Variants in MDN1 observed in about 807,000 individuals in gnomAD.
MDN1 encodes the protein midasin.
MDN1 carries 266 observed loss-of-function variants against 669.2 expected under a neutral mutation model. The ratio of observed to expected loss-of-function variants is 0.40; its 90% CI spans 0.36 to 0.44. The LOEUF (loss-of-function observed/expected upper bound fraction) is 0.44, where lower values mean the gene tolerates loss of function less well. MDN1 is among the 20% of genes least tolerant of loss of function. The pLI, the probability that MDN1 is intolerant of heterozygous loss-of-function variation, is 1.00. For missense variants in MDN1, 5,940 were observed against 6,754.0 expected, an observed-to-expected ratio of 0.88 and a Z score of 4.22; for synonymous variants, 2,385 against 2,457.1, an observed-to-expected ratio of 0.97 and a Z score of 0.87.
In MDN1 at chr6:89,727,845, C is replaced by T; in HGVS notation, c.5460G>A (p.Val1820=). Residue 1820 remains valine (V), a synonymous_variant, in exon 37 of 102, where the codon GTG becomes GTA. Transcript: ENST00000369393. ...LLAALKAGHW[V]VLDELNLASQ... is the part of the protein sequence containing the mutation. ...ACAGGCCCCTCACCTCATCCAACAC[C>T]ACCCAATGGCCTGCCTTCAAAGCTG... The T allele has an allele frequency of 6.2e-7, 1 of 1,613,958 alleles. No homozygotes were observed. The highest frequency in any genetic ancestry group is 8.5e-7 in the Non-Finnish European group (1 of 1,179,916).
chr6:89,768,188 T>C (rs1464968719), intron 15 of MDN1, among the ~76,000 whole-genome samples: 1 of 152,058 alleles, frequency 6.6e-6, no homozygotes, highest in Admixed American at 6.6e-5. Flanking sequence ...CTGGGTGATA[T>C]GGTTTGGCTG....
At position 89,695,834 on chromosome 6, in the gene MDN1, C is replaced by G; in HGVS notation, c.9542G>C (p.Gly3181Ala). ...CAGCACCTCCTGACCAGCCATGTCCCCAAGTGTCTGGCCCACATGCTGGAA... is the reference window on the plus strand; with the variant it reads ...CAGCACCTCCTGACCAGCCATGTCCGCAAGTGTCTGGCCCACATGCTGGAA... The part of the protein sequence containing the change: ...QAFQHVGQTL[G>A]DMAGQEVLPK... The change falls in exon 61 of 102, where the codon GGG becomes GCG. Residue 3181 changes from glycine to alanine, a missense_variant. By Grantham distance (60) the Gly-to-Ala change is moderately conservative. Transcript: ENST00000369393. The surrounding 1 kb of genome is among the most constrained non-coding windows in gnomAD (Gnocchi z 4.1). 6.2e-7 allele frequency: 1 copy of G among 1,613,852 alleles called. No homozygotes were observed. Among genetic ancestry groups the G allele is most frequent in the Non-Finnish European group, 8.5e-7 (1 of 1,180,038 alleles).
Position 89,712,814 on chromosome 6 carries a change from T to G in MDN1, c.7219-28A>C, listed in dbSNP as rs770906373. 9 of 1,595,238 alleles carry G rather than the reference T, an allele frequency of 5.6e-6. No individual in the cohort carries two copies. The South Asian group carries it at 9.9e-5, about 18-fold the overall frequency. ...GGTAGGAGACAAAAACACAATACAGTGGTACCAACATAAAAGTGATATTCC... is the reference window on the plus strand; with the variant it reads ...GGTAGGAGACAAAAACACAATACAGGGGTACCAACATAAAAGTGATATTCC... On this transcript the variant is annotated intron_variant, in intron 47 of 101. Coordinates refer to ENST00000369393, the MANE Select transcript of MDN1 (RefSeq NM_014611.3).
At chr6:89,660,850 T>C (rs560671217) in intron 88 of MDN1, among the ~76,000 whole-genome samples, 1 of 152,328 alleles carries the variant, frequency 6.6e-6, no homozygotes, top group South Asian at 2.1e-4. Flanking sequence ...GCAGCAGGAA[T>C]GGGGCCCTCT....
intron 40 of MDN1, among the ~76,000 whole-genome samples, chr6:89,720,979 A>G (rs1265639651): frequency 6.6e-6 from 1 of 152,224 alleles, no homozygotes; most frequent in Non-Finnish European, 1.5e-5. Context: ...TATTAAAAGT[A>G]AAAACAAATT....
intron 76 of MDN1, 63 bp downstream of exon 76, chr6:89,677,507 A>T: frequency 6.3e-7 from 1 of 1,598,134 alleles, no homozygotes; most frequent in Non-Finnish European, 8.5e-7. Context: ...AATGAGGACA[A>T]GGAGTTCTAA....
At chr6:89,796,859 G>T (rs182370811) in intron 2 of MDN1, among the ~76,000 whole-genome samples, 12 of 151,976 alleles carry the variant, frequency 7.9e-5, no homozygotes, top group Non-Finnish European at 1.6e-4. Context: ...ACCTGAGGTC[G>T]GGAGTTCGAG....
rs772681117 is a variant in MDN1 at position 89,708,496 on chromosome 6, T to C, written c.7898A>G (p.Lys2633Arg). Residue 2633 changes from lysine to arginine, a missense_variant and splice_region_variant, in exon 51 of 102, where the codon AAG (lysine) becomes AGG (arginine). Coordinates refer to ENST00000369393, the MANE Select transcript of MDN1 (RefSeq NM_014611.3). ...GCCCAGAGCAGCAGGTTTCACTTAC[T>C]TGTTTGCAGCTGATTCTAAAAGGGC... ...LFALLESAANKTIIYLDREKR... is the reference protein window; with the variant it reads ...LFALLESAANRTIIYLDREKR... 6.2e-7 allele frequency: 1 copy of C among 1,613,948 alleles called. No individual in the cohort carries two copies. The highest frequency in any genetic ancestry group is 1.1e-5 in the South Asian group (1 of 90,996).
rs1813490748 is a variant in MDN1 at position 89,706,032 on chromosome 6, A to C, written c.8148+27T>G. On this transcript the variant is annotated intron_variant, in intron 53 of 101. Transcript: ENST00000369393. The stretch of plus-strand genomic sequence containing the variant: ...CAAGAAAGATAAATTTTGTTGTTTA[A>C]AAATAAAACAAGATGCAGTTCCTTA... 2.6e-6 allele frequency: 4 copies of C among 1,538,418 alleles called. No homozygotes were observed. The South Asian group carries it at 3.8e-5, about 15-fold the overall frequency.
chr6:89,749,728 T>C lies in MDN1; in HGVS notation c.3430A>G (p.Lys1144Glu). Residue 1144 changes from lysine to glutamate, a missense_variant, in exon 25 of 102, where the codon AAA becomes GAA. By Grantham distance (56) the Lys-to-Glu change is moderately conservative (BLOSUM62 1). Around this residue, in one of 5 missense-constraint regions of MDN1, gnomAD observed 2,292 missense variants for 2,638.3 expected, o/e 0.87. Coordinates refer to ENST00000369393, the MANE Select transcript of MDN1 (RefSeq NM_014611.3). ...KEGVLIDAMR[K>E]GYWIILDELN... ...TCATCTAAAATAATCCAATAGCCTT[T>C]TCTCATGGCATCAATAAGAACACCT... 6.2e-7 allele frequency: 1 copy of C among 1,612,646 alleles called. No homozygotes were observed.
At chr6:89,817,286 C>T (rs961042357) in intron 1 of MDN1, among the ~76,000 whole-genome samples, 1 of 152,170 alleles carries the variant, frequency 6.6e-6, no homozygotes, top group African/African-American at 2.4e-5. Context: ...GAATAAATCT[C>T]TTAGAATATT....
chr6:89,780,306 GAAAGAAAAGAAAAAAC>G lies in MDN1; in HGVS notation c.1644-29_1644-14del, dbSNP rs766679999. 1 of 1,520,516 alleles carries G rather than the reference GAAAGAAAAGAAAAAAC, an allele frequency of 6.6e-7. No homozygotes were observed. The highest frequency in any genetic ancestry group is 8.9e-7 in the Non-Finnish European group (1 of 1,129,452). The allele number at this position is 1,520,516 out of a possible 1,614,324, so 94.2% of individuals were successfully genotyped here. On this transcript the variant is annotated splice_polypyrimidine_tract_variant and intron_variant, in intron 10 of 101. Coordinates refer to ENST00000369393, the MANE Select transcript of MDN1 (RefSeq NM_014611.3). Reference sequence around the variant, plus strand: ...ATTCAGCAGATCCCTTTAAAAAAAAGAAAGAAAAGAAAAAACAAAGAAAAGACCACAGGCCAAAGAC... The same window carrying G: ...ATTCAGCAGATCCCTTTAAAAAAAAGAAAGAAAAGACCACAGGCCAAAGAC...
Position 89,781,403 on chromosome 6 carries a change from G to C in MDN1, c.1639C>G (p.Leu547Val). 1 of 1,613,384 alleles carries C rather than the reference G, an allele frequency of 6.2e-7. No individual in the cohort carries two copies. Among genetic ancestry groups the C allele is most frequent in the South Asian group, 1.1e-5 (1 of 91,058 alleles). Reference sequence around the variant, plus strand: ...AAAAACTGTTTAGTCCAGTACCTTAGAGATAATTCTCTTCCCTCAAGGGTT... The same window carrying C: ...AAAAACTGTTTAGTCCAGTACCTTACAGATAATTCTCTTCCCTCAAGGGTT... ...RPTLEGRELSLRDLLNWCNRI... is the reference protein window; with the variant it reads ...RPTLEGRELSVRDLLNWCNRI... Residue 547 changes from leucine (L) to valine (V), a missense_variant, in exon 10 of 102, where the codon CTA becomes GTA. By Grantham distance (32) the Leu-to-Val change is conservative. This residue lies in a region of MDN1 where 1,203 missense variants were observed against 1,268.9 expected (regional missense o/e 0.95). Coordinates refer to ENST00000369393, the MANE Select transcript of MDN1 (RefSeq NM_014611.3).
At chr6:89,743,780 C>G (rs1214424498) in intron 29 of MDN1, 66 bp from the exon 30 acceptor site, 22 of 1,365,570 alleles carry the variant, frequency 1.6e-5, no homozygotes, top group Non-Finnish European at 2.1e-5. Context: ...AACACCCCCC[C>G]TCAGCAAAAG....
chr6:89,723,838 A>G (rs959507336), intron 38 of MDN1, among the ~76,000 whole-genome samples: 1 of 152,290 alleles, frequency 6.6e-6, no homozygotes, highest in Admixed American at 6.5e-5. Flanking sequence ...TTTAAGGTCT[A>G]TTCTAGTGAA....
chr6:89,733,487 G>A (rs542574434), intron 33 of MDN1, among the ~76,000 whole-genome samples: 1 of 151,592 alleles, frequency 6.6e-6, no homozygotes, highest in Non-Finnish European at 1.5e-5. Flanking sequence ...GAATATCAAA[G>A]AATATTTTAA....
intron 1 of MDN1, among the ~76,000 whole-genome samples, chr6:89,803,846 GC>G: frequency 6.7e-6 from 1 of 149,424 alleles, no homozygotes; most frequent in South Asian, 2.1e-4. Flanking sequence ...CTCCCAAAGT[GC>G]TGAGATTACA....
chr6:89,743,543 T>A (rs763736854), intron 30 of MDN1, 33 bp downstream of exon 30: 2 of 1,602,234 alleles, frequency 1.2e-6, no homozygotes, highest in Non-Finnish European at 1.7e-6. Context: ...TGCAGTTTTT[T>A]AAAATAACAG....
At chr6:89,720,154 A>G (rs1053492235) in intron 40 of MDN1, among the ~76,000 whole-genome samples, 1 of 152,216 alleles carries the variant, frequency 6.6e-6, no homozygotes, top group Non-Finnish European at 1.5e-5. Flanking sequence ...CAAACATTGG[A>G]CTGTGAGACT....
Sources: gnomAD v4.1 joint callset for allele counts (sites outside exome capture counted in the v4.1 genomes callset) on GRCh38, gnomAD v4.1.1 for gene constraint, gnomAD v4.1.1 regional missense constraint, Gnocchi (gnomAD v3.1) non-coding constraint, MANE v1.5 for transcripts, NCBI Gene and HGNC (gene_info 2026-07-23, HGNC 2026-07-21) for gene names.